Variants in CTDP1 observed in about 807,000 individuals in gnomAD.
CTDP1 encodes RNA polymerase II subunit A C-terminal domain phosphatase.
CTDP1 carries 47 observed loss-of-function variants against 91.8 expected under a neutral mutation model. The observed-to-expected ratio is 0.51, with a 90% CI of 0.41 to 0.65. CTDP1 has a LOEUF of 0.65. CTDP1 is among the 30% of genes least tolerant of loss of function. The probability of loss-of-function intolerance (pLI) is 0.00; values close to 1 mark genes in which losing one functional copy is unlikely to be tolerated. For synonymous variants in CTDP1, 656 were observed against 598.5 expected (o/e 1.10, Z -1.40); for missense variants, 1,272 against 1,373.7 (o/e 0.93, Z 1.17).
chr18:79,680,673 A>G (rs1255065746), intron 1 of CTDP1, among the ~76,000 whole-genome samples: 4 of 152,186 alleles, frequency 2.6e-5, no homozygotes, highest in African/African-American at 9.7e-5. Context: ...ACATCTTTAA[A>G]TTTTTGTAAA....
chr18:79,708,509 G>A (rs746197120), intron 5 of CTDP1, among the ~76,000 whole-genome samples: 3 of 152,162 alleles, frequency 2.0e-5, no homozygotes, highest in African/African-American at 4.8e-5. Context: ...GGAGCCAGGC[G>A]TTCCGGGGTG....
chr18:79,722,020 C>A (rs2086354530), intron 10 of CTDP1, among the ~76,000 whole-genome samples: 2 of 152,146 alleles, frequency 1.3e-5, no homozygotes, highest in African/African-American at 4.8e-5. Flanking sequence ...GATGGGGTTT[C>A]ATCATGTTGC....
rs1206091574 is a variant in CTDP1 at position 79,715,082 on chromosome 18, T to C, written c.1622T>C (p.Leu541Pro). 2 of 1,612,864 alleles carry C rather than the reference T, an allele frequency of 1.2e-6. No individual in the cohort carries two copies. The highest frequency in any genetic ancestry group is 2.2e-5 in the East Asian group (1 of 44,874). The change falls in exon 8 of 13, where the codon CTC (leucine) becomes CCC (proline). Residue 541 changes from leucine (L) to proline (P), a missense_variant. Physicochemically the swap from Leu to Pro is moderately conservative, Grantham distance 98 (BLOSUM62 -3). This residue lies in a region of CTDP1 where 881 missense variants were observed against 911.6 expected (regional missense o/e 0.97). Coordinates refer to ENST00000613122, the MANE Select transcript of CTDP1 (RefSeq NM_004715.5). ...CAGGAGGAGGGCGAGCGGGATGGCC[T>C]CTGCGGCCTGGGCAACGGCTGTGCC... is the stretch of plus-strand genomic sequence containing the variant. ...GGQEEGERDG[L>P]CGLGNGCADR...
intron 11 of CTDP1, among the ~76,000 whole-genome samples, chr18:79,730,813 C>T (rs866498900): frequency 3.9e-5 from 6 of 152,370 alleles, no homozygotes; most frequent in Middle Eastern, 3.4e-3. Context: ...GGAAGGGATT[C>T]TCCCAGTGGA....
chr18:79,717,714 G>C, intron 9 of CTDP1, 38 bp downstream of exon 9: 4 of 1,613,936 alleles, frequency 2.5e-6, no homozygotes, highest in Non-Finnish European at 3.4e-6. Flanking sequence ...CGTGCCAGGC[G>C]TTCCCTTGCT....
intron 1 of CTDP1, among the ~76,000 whole-genome samples, chr18:79,692,308 T>C (rs1207688763): frequency 6.6e-6 from 1 of 152,090 alleles, no homozygotes; most frequent in East Asian, 1.9e-4. Flanking sequence ...CTGGGCACCT[T>C]GGTGGGTCGT....
Position 79,710,384 on chromosome 18 carries a change from A to G in CTDP1, c.811A>G (p.Ile271Val). 1 of 1,613,980 alleles carries G rather than the reference A, an allele frequency of 6.2e-7. No individual in the cohort carries two copies. The highest frequency in any genetic ancestry group is 2.2e-5 in the East Asian group (1 of 44,872). The change falls in exon 6 of 13, where the codon ATA (isoleucine) becomes GTA (valine). Residue 271 changes from isoleucine (I) to valine (V), a missense_variant. By Grantham distance (29) the Ile-to-Val change is conservative. Around this residue, in one of 3 missense-constraint regions of CTDP1, gnomAD observed 177 missense variants for 283.0 expected, o/e 0.63. Coordinates refer to ENST00000613122, the MANE Select transcript of CTDP1 (RefSeq NM_004715.5). ...DPEKKLFSHR[I>V]LSRDECIDPF... Reference sequence around the variant, plus strand: ...CGAGAAGAAGCTTTTTTCTCACCGAATATTATCAAGGGATGAATGTATTGA... The same window carrying G: ...CGAGAAGAAGCTTTTTTCTCACCGAGTATTATCAAGGGATGAATGTATTGA...
intron 6 of CTDP1, 94 bp downstream of exon 6, chr18:79,710,530 T>C (rs2086058888): frequency 9.6e-7 from 1 of 1,037,186 alleles, no homozygotes; most frequent in Non-Finnish European, 1.5e-6. Context: ...TTTCTTTTTT[T>C]CTTTTTTTTT....
Position 79,729,793 on chromosome 18 carries a change from C to T in CTDP1, c.2580+724C>T, listed in dbSNP as rs1043073240. On this transcript the variant is annotated intron_variant, in intron 11 of 12. Coordinates refer to ENST00000613122, the MANE Select transcript of CTDP1 (RefSeq NM_004715.5). Reference sequence around the variant, plus strand: ...CTTTAGGAGGACTGTCCTGGAAAACCACATCCCATGTCCTCCTGTAAGGTG... The same window carrying T: ...CTTTAGGAGGACTGTCCTGGAAAACTACATCCCATGTCCTCCTGTAAGGTG... Among the ~76,000 whole-genome samples, 3 of 152,230 alleles carry T rather than the reference C, an allele frequency of 2.0e-5. No homozygotes were observed. In the South Asian group the frequency reaches 6.2e-4, roughly 31 times the overall value.
intron 1 of CTDP1, among the ~76,000 whole-genome samples, chr18:79,694,054 G>A (rs1475501646): frequency 6.6e-6 from 1 of 152,240 alleles, no homozygotes; most frequent in African/African-American, 2.4e-5. Flanking sequence ...GGTGGGCCAT[G>A]GGGCATCCCG....
chr18:79,747,672 A>T (rs1784289823), intron 12 of CTDP1, among the ~76,000 whole-genome samples: 1 of 152,206 alleles, frequency 6.6e-6, no homozygotes, highest in South Asian at 2.1e-4. Context: ...TGGGGAAATT[A>T]TCCGCCATGC....
At chr18:79,705,107 G>A (rs970927259) in intron 5 of CTDP1, among the ~76,000 whole-genome samples, 190 bp downstream of exon 5, 5 of 152,196 alleles carry the variant, frequency 3.3e-5, no homozygotes, top group South Asian at 2.1e-4. Flanking sequence ...GGGTGGGGCC[G>A]CGGCTGCTCT....
intron 11 of CTDP1, among the ~76,000 whole-genome samples, chr18:79,732,872 C>T (rs997042353): frequency 6.6e-6 from 1 of 151,350 alleles, no homozygotes; most frequent in East Asian, 2.0e-4. Context: ...TCATGTGAGA[C>T]GTAAGAACTC....
intron 8 of CTDP1, among the ~76,000 whole-genome samples, chr18:79,717,024 G>A (rs1347977764): frequency 2.0e-5 from 3 of 151,132 alleles, no homozygotes; most frequent in African/African-American, 7.3e-5. Flanking sequence ...AGCCCTAGTG[G>A]GGTACAGCTG....
intron 5 of CTDP1, among the ~76,000 whole-genome samples, chr18:79,707,926 C>G (rs148398584): frequency 3.1e-4 from 47 of 152,292 alleles, no homozygotes; most frequent in African/African-American, 1.0e-3. Flanking sequence ...TAAGAGTTTG[C>G]GATGCGTGTC....
rs112726648 is a variant in CTDP1 at position 79,695,116 on chromosome 18, G to A, written c.315-109G>A. The stretch of plus-strand genomic sequence containing the variant: ...TCACCTGCCTACAAAGTTATGCAAG[G>A]GTTAGTGTAGAATTGGTACAAAAAC... On this transcript the variant is annotated intron_variant, in intron 1 of 12. Coordinates refer to ENST00000613122, the MANE Select transcript of CTDP1 (RefSeq NM_004715.5). The A allele has an allele frequency of 0.011, 10,038 of 935,344 alleles. 601 individuals are homozygous for A. In the African/African-American group the frequency reaches 0.14, roughly 13 times the overall value. The allele number at this position is 935,344 out of a possible 1,614,324, so 57.9% of individuals were successfully genotyped here.
At chr18:79,710,524 T>A in intron 6 of CTDP1, 88 bp downstream of exon 6, 1 of 1,023,606 alleles carries the variant, frequency 9.8e-7, no homozygotes, top group Non-Finnish European at 1.5e-6. Context: ...GCAGTATTTC[T>A]TTTTTTCTTT....
Position 79,717,828 on chromosome 18 carries a change from C to T in CTDP1, c.2229C>T (p.Ala743=). The change falls in exon 10 of 13, where the codon GCC becomes GCT. Residue 743 remains alanine (A), a synonymous_variant. Transcript: ENST00000613122. ...TKAQRENSPA[A]FPDREGVPPT... ...CCGACAGGGAGAACAGCCCTGCGGC[C>T]TTTCCCGACCGGGAGGGTGTGCCCC... The T allele has an allele frequency of 6.2e-7, 1 of 1,613,758 alleles. No homozygotes were observed. The highest frequency in any genetic ancestry group is 8.5e-7 in the Non-Finnish European group (1 of 1,180,010).
chr18:79,738,689 C>A (rs1047237566), intron 12 of CTDP1, among the ~76,000 whole-genome samples: 17 of 152,242 alleles, frequency 1.1e-4, no homozygotes, highest in African/African-American at 4.1e-4. Flanking sequence ...ATTCCAGCAA[C>A]AGATGCAGAC....
Sources: allele counts gnomAD v4.1 joint callset (sites outside exome capture counted in the v4.1 genomes callset), GRCh38; gene constraint gnomAD v4.1.1; regional missense constraint gnomAD v4.1.1; transcripts MANE v1.5; gene names NCBI Gene and HGNC (gene_info 2026-07-23, HGNC 2026-07-21).